The following RAB9B variants were observed in gnomAD, a reference collection of about 807,000 sequenced individuals.
The protein encoded by RAB9B is ras-related protein Rab-9B.
In RAB9B, 1 loss-of-function variant was observed where a neutral mutation model predicts 8.9. The observed-to-expected ratio is 0.11, with a 90% CI of 0.04 to 0.53. The LOEUF is 0.53. RAB9B is among the 20% of genes least tolerant of loss of function. The pLI, the probability that RAB9B is intolerant of heterozygous loss-of-function variation, is 0.93. For synonymous variants in RAB9B, 63 were observed against 57.0 expected (o/e 1.10, Z -0.47); for missense variants, 82 against 152.9 (o/e 0.54, Z 2.45).
At chrX:103,784,030 G>A in the RAB9B span, among the ~76,000 whole-genome samples, 6 of 112,175 alleles carry the variant, frequency 5.3e-5, no homozygotes, top group African/African-American at 1.9e-4. Flanking sequence ...TTAGGGATCT[G>A]GCCGAGAGGC....
At chrX:103,797,841 A>C in the RAB9B span, among the ~76,000 whole-genome samples, 1 of 111,966 alleles carries the variant, frequency 8.9e-6, no homozygotes, top group Admixed American at 9.5e-5. Context: ...TGAGAGAAGC[A>C]GTGGTTAAGG....
the RAB9B span, among the ~76,000 whole-genome samples, chrX:103,796,890 G>A: frequency 1.0e-5 from 1 of 97,677 alleles, no homozygotes; most frequent in East Asian, 3.2e-4. Context: ...ACTCCAGCAT[G>A]GTACCTAGTG....
the RAB9B span, among the ~76,000 whole-genome samples, chrX:103,801,885 G>A: frequency 2.7e-5 from 3 of 111,153 alleles, no homozygotes; most frequent in South Asian, 1.2e-3. Flanking sequence ...TGTCCTGGGA[G>A]AGGGGCATGT....
the RAB9B span, among the ~76,000 whole-genome samples, chrX:103,784,178 C>G: frequency 9.0e-6 from 1 of 111,446 alleles, no homozygotes; most frequent in East Asian, 2.8e-4. Flanking sequence ...TCTTGTGTGC[C>G]TCTCCTGTTT....
Position 103,824,387 on chromosome X carries a change from G to C in RAB9B, c.*792C>G, listed in dbSNP as rs1444289002. 1.8e-5 allele frequency: 2 copies of C among 112,222 alleles called. No individual in the cohort carries two copies. The highest frequency in any genetic ancestry group is 9.5e-5 in the Admixed American group (1 of 10,534). 9.2% of individuals were successfully genotyped at this position (112,222 alleles called of 1,213,427 possible). On this transcript the variant is annotated 3_prime_UTR_variant, in exon 3 of 3. Coordinates refer to ENST00000243298, the MANE Select transcript of RAB9B (RefSeq NM_016370.4). ...CTAAGCAGCATTGCTAAATTGGTAA[G>C]AGGTTGTCAGAGAAGCAACATCTCT... is the stretch of plus-strand genomic sequence containing the variant.
At chrX:103,785,101 G>A in the RAB9B span, among the ~76,000 whole-genome samples, 5 of 109,753 alleles carry the variant, frequency 4.6e-5, no homozygotes, top group African/African-American at 6.6e-5. Flanking sequence ...TTGAGACAGA[G>A]TCTCGCTCTT....
chrX:103,807,813 G>T, the RAB9B span, among the ~76,000 whole-genome samples: 40 of 111,927 alleles, frequency 3.6e-4, 1 homozygote, highest in East Asian at 7.1e-3. Context: ...TGGCCCTGGG[G>T]TGACCATGGT....
At chrX:103,804,394 C>T in the RAB9B span, among the ~76,000 whole-genome samples, 1 of 112,323 alleles carries the variant, frequency 8.9e-6, no homozygotes, top group African/African-American at 3.2e-5. Flanking sequence ...GTCTTGATTA[C>T]TGTAGTTTTG....
At chrX:103,801,969 G>T in the RAB9B span, among the ~76,000 whole-genome samples, 3 of 111,560 alleles carry the variant, frequency 2.7e-5, no homozygotes, top group Admixed American at 9.6e-5. Context: ...GGAACACCTA[G>T]TCTCTACCAT....
the RAB9B span, among the ~76,000 whole-genome samples, chrX:103,785,093 G>A: frequency 3.9e-5 from 4 of 103,374 alleles, no homozygotes; most frequent in Non-Finnish European, 7.9e-5. Context: ...TTTTTTTCTT[G>A]AGACAGAGTC....
At chrX:103,800,076 GCT>G in the RAB9B span, among the ~76,000 whole-genome samples, 15,631 of 110,918 alleles carry the variant, frequency 0.14, 876 homozygotes, top group Middle Eastern at 0.29. Flanking sequence ...TTACTAAATT[GCT>G]CTGTTTTGTG....
At chrX:103,815,829 CACCA>C in the RAB9B span, among the ~76,000 whole-genome samples, 1 of 111,682 alleles carries the variant, frequency 9.0e-6, no homozygotes, top group South Asian at 3.8e-4. Context: ...AACTCCCATT[CACCA>C]TTGCTACAAA....
the RAB9B span, among the ~76,000 whole-genome samples, chrX:103,809,154 C>A: frequency 3.7e-4 from 41 of 111,556 alleles, no homozygotes; most frequent in African/African-American, 1.3e-3. Context: ...AGCATGATTT[C>A]TCTCTCTCTG....
the RAB9B span, among the ~76,000 whole-genome samples, chrX:103,817,035 A>G: frequency 8.9e-6 from 1 of 112,352 alleles, no homozygotes; most frequent in African/African-American, 3.2e-5. Flanking sequence ...TTCCTCAAGG[A>G]TCTAGAACTA....
At chrX:103,795,238 T>G in the RAB9B span, among the ~76,000 whole-genome samples, 1 of 106,895 alleles carries the variant, frequency 9.4e-6, no homozygotes, top group East Asian at 2.9e-4. Flanking sequence ...CACAGTCCCA[T>G]GAGAAACAAA....
chrX:103,797,934 C>A, the RAB9B span, among the ~76,000 whole-genome samples: 15 of 111,300 alleles, frequency 1.3e-4, no homozygotes, highest in African/African-American at 4.9e-4. Context: ...ATGAGTAAAA[C>A]ATGTTGGAGC....
the RAB9B span, chrX:103,789,177 G>T: frequency 3.9e-6 from 2 of 518,045 alleles, no homozygotes; most frequent in Non-Finnish European, 7.0e-6. Flanking sequence ...TGAAGACTGG[G>T]AGGCCCACAT....
the RAB9B span, among the ~76,000 whole-genome samples, chrX:103,797,087 C>CTT: frequency 5.9e-5 from 5 of 84,650 alleles, no homozygotes; most frequent in East Asian, 1.5e-3. Flanking sequence ...GGAAAGAGAC[C>CTT]TTTTTTTTTT....
In RAB9B at chrX:103,822,414, G is replaced by C. The variant is rs751416545; in HGVS notation, c.*2765C>G. 1 of 111,439 alleles carries C rather than the reference G, an allele frequency of 9.0e-6. No individual in the cohort carries two copies. The highest frequency in any genetic ancestry group is 1.9e-5 in the Non-Finnish European group (1 of 53,005). The allele number at this position is 111,439 out of a possible 1,213,427, so 9.2% of individuals were successfully genotyped here. On this transcript the variant is annotated 3_prime_UTR_variant, in exon 3 of 3. Transcript: ENST00000243298. ...GAAAATATTTGATACACAATTTTGA[G>C]TTTTTTTTAGCAGCACCTGCAACAA...
Sources: gnomAD v4.1 joint callset for allele counts (sites outside exome capture counted in the v4.1 genomes callset) on GRCh38, gnomAD v4.1.1 for gene constraint, MANE v1.5 for transcripts, NCBI Gene and HGNC (gene_info 2026-07-23, HGNC 2026-07-21) for gene names.